SEMA3A: variants seen among roughly 807,000 people sequenced by gnomAD.
SEMA3A encodes the protein semaphorin 3A.
In SEMA3A, 29 loss-of-function variants were observed where a neutral mutation model predicts 97.9. The observed-to-expected ratio is 0.30, with a 90% CI of 0.22 to 0.40. The LOEUF is 0.40. Ranked by LOEUF, SEMA3A falls within the 10% of genes least tolerant of loss-of-function variation. The pLI is 1.00. For synonymous variants in SEMA3A, 321 were observed against 323.7 expected (o/e 0.99, Z 0.09); for missense variants, 763 against 951.3 (o/e 0.80, Z 2.60).
At chr7:84,227,993 T>TA in intron 3 of SEMA3A, among the ~76,000 whole-genome samples, 1 of 151,796 alleles carries the variant, frequency 6.6e-6, no homozygotes, top group South Asian at 2.1e-4. Flanking sequence ...ATAATGAGAT[T>TA]AAAAAAATGA....
At chr7:84,471,252 C>T (rs888572473) in intron 1 of SEMA3A, among the ~76,000 whole-genome samples, 1 of 149,080 alleles carries the variant, frequency 6.7e-6, no homozygotes, top group Non-Finnish European at 1.5e-5. Flanking sequence ...TGTTGGTTCC[C>T]ACACCCCCAA....
At chr7:84,481,135 G>C (rs1303568079) in intron 1 of SEMA3A, among the ~76,000 whole-genome samples, 1 of 152,122 alleles carries the variant, frequency 6.6e-6, no homozygotes, top group Non-Finnish European at 1.5e-5. Context: ...CCTGTTCTTT[G>C]TATTTTCTAG....
chr7:84,152,158 G>C (rs1368425535), intron 1 of SEMA3A, among the ~76,000 whole-genome samples: 1 of 151,550 alleles, frequency 6.6e-6, no homozygotes, highest in African/African-American at 2.4e-5. Flanking sequence ...TCTAGAACTA[G>C]AAATACCATT....
intron 6 of SEMA3A, among the ~76,000 whole-genome samples, chr7:84,027,035 T>G (rs2116454918): frequency 6.6e-6 from 1 of 152,098 alleles, no homozygotes; most frequent in East Asian, 1.9e-4. Context: ...AAATTATGTG[T>G]GTGTACCTAC....
intron 1 of SEMA3A, among the ~76,000 whole-genome samples, chr7:84,440,162 T>G (rs536134476): frequency 6.6e-6 from 1 of 152,318 alleles, no homozygotes; most frequent in South Asian, 2.1e-4. Context: ...TAGACAACAA[T>G]TACAATGGCA....
chr7:83,963,410 T>G, intron 15 of SEMA3A, 63 bp from the exon 16 acceptor site: 1 of 1,534,976 alleles, frequency 6.5e-7, no homozygotes, highest in Non-Finnish European at 8.9e-7. Context: ...CTTTCCAAAG[T>G]TTTTATTTGG....
chr7:84,425,530 A>G (rs1804793156), intron 1 of SEMA3A, among the ~76,000 whole-genome samples: 1 of 144,094 alleles, frequency 6.9e-6, no homozygotes, highest in Non-Finnish European at 1.5e-5. Context: ...ATAAGCATAA[A>G]CGTATATTTA....
At chr7:84,313,405 T>TATAA (rs1454447733) in intron 2 of SEMA3A, among the ~76,000 whole-genome samples, 33 of 107,096 alleles carry the variant, frequency 3.1e-4, no homozygotes, top group Admixed American at 4.9e-4. Context: ...TATATATATA[T>TATAA]AAACTATACG....
chr7:84,327,366 AG>A (rs1196292893), intron 2 of SEMA3A, among the ~76,000 whole-genome samples: 1 of 151,870 alleles, frequency 6.6e-6, no homozygotes, highest in African/African-American at 2.4e-5. Flanking sequence ...GATGGGGGAA[AG>A]GGTGAAAAAA....
chr7:84,151,223 G>C (rs2078287979), intron 1 of SEMA3A, among the ~76,000 whole-genome samples: 1 of 152,108 alleles, frequency 6.6e-6, no homozygotes, highest in African/African-American at 2.4e-5. Context: ...ACCAGCAACG[G>C]AACTAAGCTG....
chr7:84,044,978 A>T (rs751202867), intron 6 of SEMA3A, among the ~76,000 whole-genome samples: 4 of 152,036 alleles, frequency 2.6e-5, no homozygotes, highest in Non-Finnish European at 5.9e-5. Context: ...ACATTCAGAA[A>T]TGCTGTCATA....
chr7:84,460,025 T>G (rs1270120292), intron 1 of SEMA3A, among the ~76,000 whole-genome samples: 1 of 152,124 alleles, frequency 6.6e-6, no homozygotes, highest in African/African-American at 2.4e-5. Flanking sequence ...AGATGTTGTC[T>G]CAAAACAAGC....
At chr7:84,091,167 G>GGAAAGAAA (rs1165324789) in intron 4 of SEMA3A, among the ~76,000 whole-genome samples, 1,086 of 42,778 alleles carry the variant, frequency 0.025, 62 homozygotes, top group Middle Eastern at 0.053. Context: ...AAGGAAGGAA[G>GGAAAGAAA]GAAAGAAAGA....
At chr7:84,104,065 G>T (rs10488267) in intron 4 of SEMA3A, among the ~76,000 whole-genome samples, 1 of 151,730 alleles carries the variant, frequency 6.6e-6, no homozygotes, top group Non-Finnish European at 1.5e-5. Context: ...ATCCAAACTA[G>T]GTATTAGTCT....
chr7:84,049,449 A>T (rs1347462695), intron 5 of SEMA3A, among the ~76,000 whole-genome samples: 1 of 152,152 alleles, frequency 6.6e-6, no homozygotes, highest in Non-Finnish European at 1.5e-5. Context: ...GCAGTAGTAT[A>T]TTCTACCTTC....
At chr7:84,207,265 T>C (rs1254160817) in intron 3 of SEMA3A, among the ~76,000 whole-genome samples, 1 of 152,184 alleles carries the variant, frequency 6.6e-6, no homozygotes, top group Non-Finnish European at 1.5e-5. Context: ...ACTATTGTCA[T>C]GGTTCCTGGG....
At chr7:84,183,553 T>A (rs926506906) in intron 1 of SEMA3A, among the ~76,000 whole-genome samples, 1 of 151,600 alleles carries the variant, frequency 6.6e-6, no homozygotes, top group Non-Finnish European at 1.5e-5. Context: ...TGCCCACTTG[T>A]GCTTCATCAG....
intron 3 of SEMA3A, among the ~76,000 whole-genome samples, chr7:84,299,816 G>A (rs1800962412): frequency 0.028 from 1 of 36 alleles, no homozygotes; most frequent in African/African-American, 0.1. Flanking sequence ...GATCACCTGA[G>A]GTCAGGAGTT....
At chr7:84,306,647 G>A (rs1040260955) in intron 3 of SEMA3A, 3 of 152,222 alleles carry the variant, frequency 2.0e-5, no homozygotes, top group Non-Finnish European at 2.9e-5. Flanking sequence ...AAGTAATACA[G>A]TATGTATACA....
Sources: allele counts gnomAD v4.1 joint callset (sites outside exome capture counted in the v4.1 genomes callset), GRCh38; gene constraint gnomAD v4.1.1; transcripts MANE v1.5; gene names NCBI Gene and HGNC (gene_info 2026-07-23, HGNC 2026-07-21).